The following NEO1 variants were observed in gnomAD, a reference collection of about 807,000 sequenced individuals.
The protein encoded by NEO1 is neogenin 1, also known as neogenin.
NEO1 carries 63 observed loss-of-function variants against 159.7 expected under a neutral mutation model. That is an observed-to-expected ratio of 0.39 (90% CI 0.32 to 0.49). NEO1 has a LOEUF of 0.49. Ranked by LOEUF, NEO1 falls within the 20% of genes least tolerant of loss-of-function variation. The pLI is 0.85. For synonymous variants in NEO1, 633 were observed against 662.0 expected, an observed-to-expected ratio of 0.96 and a Z score of 0.67; for missense variants, 1,615 against 1,831.0, an observed-to-expected ratio of 0.88 and a Z score of 2.15.
At chr15:73,196,910 G>A (rs916301563) in intron 7 of NEO1, among the ~76,000 whole-genome samples, 3 of 152,136 alleles carry the variant, frequency 2.0e-5, no homozygotes, top group Non-Finnish European at 2.9e-5. Flanking sequence ...GATCTCATGC[G>A]TGGTCAGTTT....
intron 7 of NEO1, among the ~76,000 whole-genome samples, chr15:73,199,840 A>G (rs1369684382): frequency 1.3e-5 from 2 of 152,122 alleles, no homozygotes; most frequent in African/African-American, 4.8e-5. Flanking sequence ...GCTCCACCCT[A>G]TATTGGGGAG....
At chr15:73,131,398 A>G (rs1032726024) in intron 4 of NEO1, among the ~76,000 whole-genome samples, 1 of 152,256 alleles carries the variant, frequency 6.6e-6, no homozygotes. Flanking sequence ...CTCTCTTTCA[A>G]ATAACAACAA....
chr15:73,068,225 C>CCA (rs1555421049), intron 1 of NEO1, among the ~76,000 whole-genome samples: 1 of 102,680 alleles, frequency 9.7e-6, no homozygotes, highest in African/African-American at 3.1e-5. Flanking sequence ...GTCCCCCTAC[C>CCA]CCCCCCCCTT....
intron 1 of NEO1, among the ~76,000 whole-genome samples, chr15:73,109,388 A>G (rs1250971357): frequency 6.6e-6 from 1 of 152,162 alleles, no homozygotes; most frequent in African/African-American, 2.4e-5. Context: ...ACAGAGAGAA[A>G]TTAAGCAACT....
At chr15:73,147,428 TG>T (rs1173677189) in intron 5 of NEO1, among the ~76,000 whole-genome samples, 3 of 152,210 alleles carry the variant, frequency 2.0e-5, no homozygotes, top group Non-Finnish European at 4.4e-5. Context: ...CCATGTTTTG[TG>T]GTCTTTGAGC....
At chr15:73,132,695 C>T (rs1567273539) in intron 4 of NEO1, among the ~76,000 whole-genome samples, 1 of 152,046 alleles carries the variant, frequency 6.6e-6, no homozygotes, top group Non-Finnish European at 1.5e-5. Context: ...GTGAGAAAAA[C>T]AAGCAATCCC....
chr15:73,154,596 G>A (rs953155589), intron 5 of NEO1, among the ~76,000 whole-genome samples: 2 of 152,166 alleles, frequency 1.3e-5, no homozygotes, highest in Non-Finnish European at 2.9e-5. Flanking sequence ...TCTGAAGCAT[G>A]TCTTCTGTGC....
intron 1 of NEO1, among the ~76,000 whole-genome samples, chr15:73,087,686 G>A (rs1007047673): frequency 3.3e-5 from 5 of 152,074 alleles, no homozygotes; most frequent in Non-Finnish European, 7.4e-5. Context: ...TTAAACTATA[G>A]AAATGAATGA....
At position 73,119,451 on chromosome 15, in the gene NEO1, T is replaced by C. The variant is rs116059924; in HGVS notation, c.448+2594T>C. Reference sequence around the variant, plus strand: ...GTATGAGAGGTCTTTTTCTCTGAGCTGTCTCATTTCTCCACAACCAAAATT... The same window carrying C: ...GTATGAGAGGTCTTTTTCTCTGAGCCGTCTCATTTCTCCACAACCAAAATT... On this transcript the variant is annotated intron_variant, in intron 2 of 28. Coordinates refer to ENST00000261908, the MANE Select transcript of NEO1 (RefSeq NM_002499.4). Among the ~76,000 whole-genome samples the C allele has an allele frequency of 3.0e-3, 458 of 152,362 alleles. 4 individuals are homozygous for C. The highest frequency in any genetic ancestry group is 0.01 in the African/African-American group (435 of 41,588).
At chr15:73,161,276 G>T (rs1275566117) in intron 5 of NEO1, among the ~76,000 whole-genome samples, 1 of 152,076 alleles carries the variant, frequency 6.6e-6, no homozygotes, top group Non-Finnish European at 1.5e-5. Context: ...ATTTACTTTG[G>T]TGTAAGAAAT....
chr15:73,301,330 A>T lies in NEO1; in HGVS notation c.4175A>T (p.His1392Leu), dbSNP rs376552089. 6.2e-7 allele frequency: 1 copy of T among 1,614,190 alleles called. No individual in the cohort carries two copies. Residue 1392 changes from histidine (H) to leucine (L), a missense_variant, in exon 28 of 29, where the codon CAT becomes CTT. By Grantham distance (99) the His-to-Leu change is moderately conservative. Around this residue, in one of 3 missense-constraint regions of NEO1, gnomAD observed 471 missense variants for 498.9 expected, o/e 0.94. Coordinates refer to ENST00000261908, the MANE Select transcript of NEO1 (RefSeq NM_002499.4). The stretch of plus-strand genomic sequence containing the variant: ...TGCCCTTTCCCCTCAGCTCTGAACC[A>T]TCACATTCACTCAGTGAAGACAGCC... ...TPLLSQQALN[H>L]HIHSVKTASI...
chr15:73,124,030 G>A (rs11854296), intron 3 of NEO1, among the ~76,000 whole-genome samples: 20,000 of 151,394 alleles, frequency 0.13, 2,031 homozygotes, highest in African/African-American at 0.28. Context: ...GCGTTTGTGC[G>A]TGTGTGTGTG....
chr15:73,085,768 A>G (rs1350612345), intron 1 of NEO1, among the ~76,000 whole-genome samples: 1 of 152,090 alleles, frequency 6.6e-6, no homozygotes, highest in African/African-American at 2.4e-5. Flanking sequence ...TTTTTGGTGA[A>G]GTGTGTATGC....
intron 7 of NEO1, among the ~76,000 whole-genome samples, chr15:73,186,390 A>T (rs1383038530): frequency 6.6e-6 from 1 of 152,184 alleles, no homozygotes; most frequent in Non-Finnish European, 1.5e-5. Context: ...TCTTTCAAAA[A>T]TTAAAGTGAA....
At chr15:73,060,825 A>AT (rs34513517) in intron 1 of NEO1, among the ~76,000 whole-genome samples, 18,993 of 150,822 alleles carry the variant, frequency 0.13, 1,626 homozygotes, top group Non-Finnish European at 0.19. Flanking sequence ...TTTTTTGGGT[A>AT]TTTTTGTACA....
chr15:73,196,073 C>T (rs2036519289), intron 7 of NEO1, among the ~76,000 whole-genome samples: 1 of 152,088 alleles, frequency 6.6e-6, no homozygotes, highest in Admixed American at 6.6e-5. Context: ...TTTTTGTCTT[C>T]CTCCTTTCCT....
chr15:73,057,986 C>T (rs2067794599), intron 1 of NEO1, among the ~76,000 whole-genome samples: 1 of 152,158 alleles, frequency 6.6e-6, no homozygotes. Flanking sequence ...TAAGTAACCC[C>T]TTTTAATATC....
At chr15:73,167,496 A>G (rs545515546) in intron 5 of NEO1, among the ~76,000 whole-genome samples, 22 of 152,276 alleles carry the variant, frequency 1.4e-4, no homozygotes, top group African/African-American at 5.1e-4. Context: ...AGGCCCCTCA[A>G]GGGGTTCCTG....
chr15:73,282,771 T>C (rs1353377747), intron 22 of NEO1, among the ~76,000 whole-genome samples, 193 bp from the exon 23 acceptor site: 1 of 152,226 alleles, frequency 6.6e-6, no homozygotes, highest in African/African-American at 2.4e-5. Context: ...GCACTGTTCA[T>C]AGGACAGACT....
Sources: gnomAD v4.1 joint callset for allele counts (sites outside exome capture counted in the v4.1 genomes callset) on GRCh38, gnomAD v4.1.1 for gene constraint, gnomAD v4.1.1 regional missense constraint, MANE v1.5 for transcripts, NCBI Gene and HGNC (gene_info 2026-07-23, HGNC 2026-07-21) for gene names.